The following AGMO variants were observed in gnomAD, a reference collection of about 807,000 sequenced individuals.
AGMO encodes glyceryl-ether monooxygenase.
In AGMO, 75 loss-of-function variants were observed where a neutral mutation model predicts 60.2. That is an observed-to-expected ratio of 1.25 (90% CI 1.03 to 1.51). The LOEUF (loss-of-function observed/expected upper bound fraction) is 1.51, where lower values mean the gene tolerates loss of function less well. AGMO is among the 40% of genes most tolerant of loss of function. AGMO has a pLI of 0.00. For synonymous variants in AGMO, 261 were observed against 177.1 expected (o/e 1.47, Z -3.76); for missense variants, 763 against 525.5 (o/e 1.45, Z -4.42).
downstream of AGMO, among the ~76,000 whole-genome samples, chr7:15,196,725 T>C (rs976201479): frequency 1.3e-5 from 2 of 152,198 alleles, no homozygotes; most frequent in Non-Finnish European, 2.9e-5. Context: ...GTCTTCCTGG[T>C]TTCTGTAATG....
chr7:15,190,120 TATATATTTATATATATATA>T, the AGMO span, among the ~76,000 whole-genome samples: 1 of 1,504 alleles, frequency 6.6e-4, no homozygotes, highest in Non-Finnish European at 1.3e-3. Flanking sequence ...TATATATATA[TATATATTTATATATATATA>T]TATATATATA....
At chr7:15,426,086 G>A (rs80178138) in intron 4 of AGMO, among the ~76,000 whole-genome samples, 1,682 of 152,166 alleles carry the variant, frequency 0.011, 26 homozygotes, top group African/African-American at 0.037. Flanking sequence ...ATCCTATACT[G>A]TAATTTTTGG....
intron 5 of AGMO, among the ~76,000 whole-genome samples, chr7:15,408,133 G>A (rs1784753245): frequency 6.6e-6 from 1 of 151,996 alleles, no homozygotes; most frequent in Non-Finnish European, 1.5e-5. Flanking sequence ...TAACCCCCAA[G>A]TATTTCAGGA....
Position 15,435,576 on chromosome 7 carries a change from T to G in AGMO, c.410-4468A>C, listed in dbSNP as rs1000374265. On this transcript the variant is annotated intron_variant, in intron 3 of 12. Transcript: ENST00000342526. ...CCCATATTTTAAATGGGTTGTTTTC[T>G]TAAGTTTTGAGACATCTTTGTATCT... Among the ~76,000 whole-genome samples the G allele has an allele frequency of 2.6e-5, 4 of 152,222 alleles. No individual in the cohort carries two copies. In the East Asian group the frequency reaches 7.7e-4, roughly 29 times the overall value.
chr7:15,210,635 T>C (rs972945134), intron 12 of AGMO, among the ~76,000 whole-genome samples: 1 of 152,114 alleles, frequency 6.6e-6, no homozygotes, highest in Non-Finnish European at 1.5e-5. Flanking sequence ...ATTTCCTGTA[T>C]AACGGAGTGA....
intron 12 of AGMO, among the ~76,000 whole-genome samples, chr7:15,213,298 C>A (rs1214037763): frequency 6.6e-6 from 1 of 151,698 alleles, no homozygotes; most frequent in Non-Finnish European, 1.5e-5. Context: ...GACTCTCATC[C>A]TTTGGGTCAC....
At position 15,342,801 on chromosome 7, in the gene AGMO, A is replaced by AAAAAAAAAAAAAAAAAAAAAAAAAAAC. The variant is rs778682811; in HGVS notation, c.1263+22712_1263+22713insGTTTTTTTTTTTTTTTTTTTTTTTTTT. ...CTGCAAAAAAAAAAAAAAAAAAAAA[A>AAAAAAAAAAAAAAAAAAAAAAAAAAAC]AAAATTGATCTGAATTCTACCTCTA... On this transcript the variant is annotated intron_variant, in intron 12 of 12. Transcript: ENST00000342526. 1.9e-5 allele frequency among the ~76,000 whole-genome samples: 2 copies of AAAAAAAAAAAAAAAAAAAAAAAAAAAC among 107,892 alleles called. 1 individual carries two copies. Among genetic ancestry groups the AAAAAAAAAAAAAAAAAAAAAAAAAAAC allele is most frequent in the African/African-American group, 8.4e-5 (2 of 23,802 alleles). The allele number at this position is 107,892 out of a possible 152,430, so 70.8% of individuals were successfully genotyped here.
chr7:15,532,526 G>A (rs1784395191), intron 3 of AGMO, among the ~76,000 whole-genome samples: 1 of 152,156 alleles, frequency 6.6e-6, no homozygotes, highest in Admixed American at 6.6e-5. Context: ...TAAGAACCTA[G>A]TAAATACTAA....
chr7:15,119,931 C>CTT, the AGMO span, among the ~76,000 whole-genome samples: 2 of 142,968 alleles, frequency 1.4e-5, no homozygotes, highest in Admixed American at 7.0e-5. Flanking sequence ...ATCATGCATG[C>CTT]TTTTTTTTTT....
chr7:15,137,080 G>A, the AGMO span, among the ~76,000 whole-genome samples: 1 of 152,158 alleles, frequency 6.6e-6, no homozygotes, highest in Non-Finnish European at 1.5e-5. Context: ...ACATTCCGCA[G>A]TTGGTTGTGA....
At chr7:15,462,387 A>G (rs924714233) in intron 3 of AGMO, among the ~76,000 whole-genome samples, 12 of 152,194 alleles carry the variant, frequency 7.9e-5, no homozygotes, top group Non-Finnish European at 1.5e-4. Flanking sequence ...CATCAAATTT[A>G]TTATTTTGCT....
chr7:15,534,273 G>A (rs1784433487), intron 3 of AGMO, among the ~76,000 whole-genome samples: 1 of 151,750 alleles, frequency 6.6e-6, no homozygotes, highest in Non-Finnish European at 1.5e-5. Context: ...TAAAATATAG[G>A]CAAAATGTAC....
intron 12 of AGMO, among the ~76,000 whole-genome samples, chr7:15,227,032 C>T (rs1456893723): frequency 2.0e-5 from 3 of 151,910 alleles, no homozygotes; most frequent in Non-Finnish European, 2.9e-5. Context: ...TCCAGACAAA[C>T]GCAAAAGTCT....
At chr7:15,214,363 C>CCT (rs1781675858) in intron 12 of AGMO, among the ~76,000 whole-genome samples, 1 of 151,964 alleles carries the variant, frequency 6.6e-6, no homozygotes, top group Non-Finnish European at 1.5e-5. Flanking sequence ...GCAAAAGAGA[C>CCT]CTCTTTGGTT....
intron 2 of AGMO, among the ~76,000 whole-genome samples, chr7:15,546,282 A>AT (rs1411728769): frequency 6.6e-6 from 1 of 152,194 alleles, no homozygotes; most frequent in Non-Finnish European, 1.5e-5. Context: ...AATGCTCACA[A>AT]TTTTGAACAG....
chr7:15,493,361 A>ACACACACACC (rs1352128354), intron 3 of AGMO, among the ~76,000 whole-genome samples: 1 of 70,618 alleles, frequency 1.4e-5, no homozygotes, highest in Admixed American at 1.8e-4. Context: ...ACACACACAC[A>ACACACACACC]CTTCTTTTTT....
the AGMO span, among the ~76,000 whole-genome samples, chr7:15,186,306 C>T: frequency 6.6e-6 from 1 of 152,200 alleles, no homozygotes; most frequent in African/African-American, 2.4e-5. Flanking sequence ...TTTTGCTAGA[C>T]CACATTACTC....
intron 12 of AGMO, among the ~76,000 whole-genome samples, chr7:15,265,424 C>T (rs1017275375): frequency 5.9e-5 from 9 of 151,866 alleles, no homozygotes; most frequent in Non-Finnish European, 1.0e-4. Context: ...GCACATGTAC[C>T]ATTTAATCTA....
chr7:15,235,157 TTTGAG>T (rs758530863), intron 12 of AGMO, among the ~76,000 whole-genome samples: 8 of 152,152 alleles, frequency 5.3e-5, no homozygotes, highest in Non-Finnish European at 1.0e-4. Flanking sequence ...CCCCGGGTCC[TTTGAG>T]TTGTGTTTTA....
Sources: allele counts gnomAD v4.1 joint callset (sites outside exome capture counted in the v4.1 genomes callset), GRCh38; gene constraint gnomAD v4.1.1; transcripts MANE v1.5; gene names NCBI Gene and HGNC (gene_info 2026-07-23, HGNC 2026-07-21).